The following MAGI3 variants were observed in gnomAD, a reference collection of about 807,000 sequenced individuals.
MAGI3 encodes the protein membrane-associated guanylate kinase, WW and PDZ domain-containing protein 3.
Under a neutral mutation model 121.8 loss-of-function variants are expected in MAGI3, and 43 were observed. That is an observed-to-expected ratio of 0.35 (90% CI 0.28 to 0.46). MAGI3 has a LOEUF of 0.46. Among genes scored for constraint, MAGI3 ranks in the 20% least tolerant of loss-of-function variants. The pLI is 1.00. For missense variants in MAGI3, 1,547 were observed against 1,797.3 expected (o/e 0.86, Z 2.52); for synonymous variants, 553 against 639.3 (o/e 0.86, Z 2.04).
In MAGI3 at chr1:113,681,342, T is replaced by A. The variant is rs1427156316; in HGVS notation, c.3328+6T>A. On this transcript the variant is annotated splice_donor_region_variant and intron_variant, in intron 20 of 20. Transcript: ENST00000307546. ...TGGCTTGATACCTGACCATGGTAAG[T>A]AAAGTAGCCCACTAGTAGCTGAAAA... The A allele has an allele frequency of 8.7e-6, 14 of 1,611,840 alleles. No individual in the cohort carries two copies. Among genetic ancestry groups the A allele is most frequent in the Non-Finnish European group, 1.2e-5 (14 of 1,179,362 alleles).
In MAGI3 at chr1:113,672,719, T is replaced by C. The variant is rs749493094; in HGVS notation, c.3023T>C (p.Val1008Ala). Residue 1008 changes from valine to alanine, a missense_variant, in exon 18 of 21, where the codon GTT becomes GCT. Val to Ala is a moderately conservative substitution (Grantham distance 64). Transcript: ENST00000307546. The stretch of plus-strand genomic sequence containing the variant: ...CAGCCTGACACCGCAGTAATTTCAG[T>C]TGTAGGCAGTCGGCACAATCAGGTA... ...LAQPDTAVIS[V>A]VGSRHNQNLG... 6.2e-7 allele frequency: 1 copy of C among 1,612,970 alleles called. No individual in the cohort carries two copies. The highest frequency in any genetic ancestry group is 1.1e-5 in the South Asian group (1 of 90,794).
At chr1:113,552,005 A>C (rs1659808634) in intron 2 of MAGI3, among the ~76,000 whole-genome samples, 3 of 152,028 alleles carry the variant, frequency 2.0e-5, no homozygotes, top group African/African-American at 7.2e-5. Context: ...TTCCTACGAA[A>C]TATAAGGTAA....
At chr1:113,504,230 A>G (rs1436739152) in intron 1 of MAGI3, among the ~76,000 whole-genome samples, 1 of 152,136 alleles carries the variant, frequency 6.6e-6, no homozygotes, top group Admixed American at 6.5e-5. Context: ...ATTTGGCTAT[A>G]TGAAAGTTAA....
At chr1:113,631,136 G>T (rs35836713) in intron 9 of MAGI3, among the ~76,000 whole-genome samples, 32,983 of 152,014 alleles carry the variant, frequency 0.22, 4,475 homozygotes, top group South Asian at 0.39. Context: ...CCTGACAATC[G>T]CTGTGCTCAC....
At chr1:113,405,474 C>G (rs1188598472) in intron 1 of MAGI3, among the ~76,000 whole-genome samples, 28 of 54,350 alleles carry the variant, frequency 5.2e-4, no homozygotes, top group African/African-American at 1.9e-3. Flanking sequence ...GAAACTGTCT[C>G]AAAAAAAAAA....
rs554417144 is a variant in MAGI3 at position 113,641,940 on chromosome 1, T to A, written c.1390T>A (p.Cys464Ser). The A allele has an allele frequency of 1.3e-6, 2 of 1,593,662 alleles. No individual in the cohort carries two copies. Among genetic ancestry groups the A allele is most frequent in the East Asian group, 4.5e-5 (2 of 44,262 alleles). ...GDVIVDINGN[C>S]VLGHTHADVV... ...TGTTATTGTAGACATCAATGGCAAC[T>A]GTGTCCTCGGTCACACTCATGCAGA... The change falls in exon 10 of 21, where the codon TGT becomes AGT. Residue 464 changes from cysteine (C) to serine (S), a missense_variant. By Grantham distance (112) the Cys-to-Ser change is moderately radical. Coordinates refer to ENST00000307546, the MANE Select transcript of MAGI3 (RefSeq NM_001142782.2).
intron 1 of MAGI3, among the ~76,000 whole-genome samples, chr1:113,526,606 G>C (rs897464606): frequency 2.6e-5 from 4 of 152,154 alleles, no homozygotes; most frequent in African/African-American, 7.2e-5. Flanking sequence ...GGATTTGAAG[G>C]CTACTCTTAG....
intron 15 of MAGI3, among the ~76,000 whole-genome samples, chr1:113,657,453 C>T (rs1179233204): frequency 6.6e-6 from 1 of 152,172 alleles, no homozygotes; most frequent in Non-Finnish European, 1.5e-5. Context: ...ATTCTTTTTA[C>T]CACATTGCTC....
rs547145602 is a variant in MAGI3, at chr1:113,670,578, T to C, written c.2816-1156T>C. The stretch of plus-strand genomic sequence containing the variant: ...ACATTTTTATAAAGCAAGGTAAAGA[T>C]TTCAGCATATATGTTTAAAGAGAAA... On this transcript the variant is annotated intron_variant, in intron 16 of 20. Transcript: ENST00000307546. 5.3e-5 allele frequency among the ~76,000 whole-genome samples: 8 copies of C among 152,304 alleles called. No homozygotes were observed. The South Asian group carries it at 8.3e-4, about 16-fold the overall frequency.
At chr1:113,663,814 C>T (rs187034540) in intron 16 of MAGI3, among the ~76,000 whole-genome samples, 76 of 152,242 alleles carry the variant, frequency 5.0e-4, no homozygotes, top group Middle Eastern at 3.4e-3. Flanking sequence ...ATATTCCCAC[C>T]AGCAATGTAT....
chr1:113,396,051 T>C (rs992660994), intron 1 of MAGI3, among the ~76,000 whole-genome samples: 1 of 152,140 alleles, frequency 6.6e-6, no homozygotes, highest in Non-Finnish European at 1.5e-5. Context: ...TTTCTGCTAA[T>C]TTATGTAAAC....
In MAGI3 at chr1:113,684,199, C is replaced by G; in HGVS notation, c.*185C>G. The G allele has an allele frequency of 1.7e-6, 1 of 591,836 alleles. No homozygotes were observed. The highest frequency in any genetic ancestry group is 2.6e-6 in the Non-Finnish European group (1 of 377,650). The allele number at this position is 591,836 out of a possible 1,614,324, so 36.7% of individuals were successfully genotyped here. ...GCTAAGAACCAACTGTCCCCCTGGCCGGCTGCCCTCCCTCGCTCTCAGGAA... is the reference window on the plus strand; with the variant it reads ...GCTAAGAACCAACTGTCCCCCTGGCGGGCTGCCCTCCCTCGCTCTCAGGAA... On this transcript the variant is annotated 3_prime_UTR_variant, in exon 21 of 21. Transcript: ENST00000307546.
At chr1:113,416,377 A>G (rs1475319504) in intron 1 of MAGI3, among the ~76,000 whole-genome samples, 2 of 120,686 alleles carry the variant, frequency 1.7e-5, no homozygotes, top group African/African-American at 6.4e-5. Flanking sequence ...ATATTAATAT[A>G]TTAATAATAT....
At chr1:113,587,539 G>A (rs1188529457) in intron 4 of MAGI3, among the ~76,000 whole-genome samples, 1 of 152,164 alleles carries the variant, frequency 6.6e-6, no homozygotes, top group Non-Finnish European at 1.5e-5. Flanking sequence ...TCAGAAAATT[G>A]TTCGGGAGTA....
At chr1:113,600,759 G>A (rs1366498686) in intron 6 of MAGI3, among the ~76,000 whole-genome samples, 1 of 152,110 alleles carries the variant, frequency 6.6e-6, no homozygotes, top group Non-Finnish European at 1.5e-5. Context: ...AGTCCGCATT[G>A]CCAAGTCAAT....
chr1:113,511,989 T>A lies in MAGI3; in HGVS notation c.317-37526T>A, dbSNP rs113697259. The stretch of plus-strand genomic sequence containing the variant: ...AAACTCCCTTACATAACCAAAGGTT[T>A]CCTCTTAAGTCTTCTTTATTTCTCT... On this transcript the variant is annotated intron_variant, in intron 1 of 20. Transcript: ENST00000307546. Among the ~76,000 whole-genome samples, 912 of 152,318 alleles carry A rather than the reference T, an allele frequency of 6.0e-3. 9 individuals carry two copies. The highest frequency in any genetic ancestry group is 0.02 in the Middle Eastern group (6 of 294).
intron 9 of MAGI3, among the ~76,000 whole-genome samples, chr1:113,626,781 A>G (rs941942702): frequency 5.9e-5 from 9 of 152,160 alleles, no homozygotes; most frequent in Non-Finnish European, 1.3e-4. Flanking sequence ...GAATTTCTGC[A>G]GTATCAGTTG....
chr1:113,508,476 T>C (rs891877326), intron 1 of MAGI3, among the ~76,000 whole-genome samples: 12 of 152,216 alleles, frequency 7.9e-5, no homozygotes, highest in Admixed American at 7.2e-4. Flanking sequence ...AAACGTGCTT[T>C]GAAGCTATCA....
intron 3 of MAGI3, among the ~76,000 whole-genome samples, chr1:113,584,276 T>C (rs1359096128): frequency 6.6e-6 from 1 of 152,196 alleles, no homozygotes; most frequent in South Asian, 2.1e-4. Flanking sequence ...ACTGTTAATG[T>C]GGCTAGACCT....
Sources: allele counts gnomAD v4.1 joint callset (sites outside exome capture counted in the v4.1 genomes callset), GRCh38; gene constraint gnomAD v4.1.1; transcripts MANE v1.5; gene names NCBI Gene and HGNC (gene_info 2026-07-23, HGNC 2026-07-21).